ODAD3: variants seen among roughly 807,000 people sequenced by gnomAD.
ODAD3 encodes outer dynein arm docking complex subunit 3, also known as outer dynein arm-docking complex subunit 3.
In ODAD3, 57 loss-of-function variants were observed where a neutral mutation model predicts 70.9. The observed-to-expected ratio is 0.80, with a 90% CI of 0.65 to 1.00. The LOEUF is 1.00. Ranked by LOEUF, ODAD3 falls within the 50% of genes least tolerant of loss-of-function variation. The probability of loss-of-function intolerance (pLI) is 0.00; values close to 1 mark genes in which losing one functional copy is unlikely to be tolerated. For missense variants in ODAD3, 797 were observed against 763.9 expected, an observed-to-expected ratio of 1.04 and a Z score of -0.51; for synonymous variants, 327 against 315.9, an observed-to-expected ratio of 1.04 and a Z score of -0.37.
chr19:11,425,650 CGT>C lies in ODAD3; in HGVS notation c.963+492_963+493del, dbSNP rs1491369933. Among the ~76,000 whole-genome samples the C allele has an allele frequency of 2.3e-4, 29 of 123,600 alleles. 1 individual carries two copies. The highest frequency in any genetic ancestry group is 2.3e-4 in the South Asian group (1 of 4,372). The allele number at this position is 123,600 out of a possible 152,430, so 81.1% of individuals were successfully genotyped here. ...GCATATATGTATATATATGTATATA[CGT>C]ATATATATATATATATATGCAAAAA... On this transcript the variant is annotated intron_variant, in intron 7 of 12. Coordinates refer to ENST00000356392, the MANE Select transcript of ODAD3 (RefSeq NM_145045.5).
At position 11,421,172 on chromosome 19, in the gene ODAD3, G is replaced by A. The variant is rs771187279; in HGVS notation, c.1631C>T (p.Thr544Ile). ...SLEGRLPEYN[T>I]RIALPLATSK... ...AGTGGCAAGGGGCAGGGCGATGCGG[G>A]TGTTGTATTCGGGCAGCCTTCCCTC... Residue 544 changes from threonine to isoleucine, a missense_variant, in exon 12 of 13, where the codon ACC (threonine) becomes ATC (isoleucine). By Grantham distance (89) the Thr-to-Ile change is moderately conservative. Coordinates refer to ENST00000356392, the MANE Select transcript of ODAD3 (RefSeq NM_145045.5). 10 of 1,613,604 alleles carry A rather than the reference G, an allele frequency of 6.2e-6. No homozygotes were observed. Among genetic ancestry groups the A allele is most frequent in the East Asian group, 2.2e-5 (1 of 44,874 alleles).
Position 11,425,601 on chromosome 19 carries a change from ATGTGTG to A in ODAD3, c.963+537_963+542del, listed in dbSNP as rs1223624982. Among the ~76,000 whole-genome samples the A allele has an allele frequency of 9.1e-5, 12 of 131,872 alleles. 1 individual carries two copies. The highest frequency in any genetic ancestry group is 4.2e-4 in the African/African-American group (11 of 26,212). The allele number at this position is 131,872 out of a possible 152,430, so 86.5% of individuals were successfully genotyped here. Reference sequence around the variant, plus strand: ...TATATATGTATGTATATGTGTATATATGTGTGTGTATATATGCATATATGCATATAT... The same window carrying A: ...TATATATGTATGTATATGTGTATATATGTATATATGCATATATGCATATAT... On this transcript the variant is annotated intron_variant, in intron 7 of 12. Coordinates refer to ENST00000356392, the MANE Select transcript of ODAD3 (RefSeq NM_145045.5).
chr19:11,434,718 G>GATT, intron 1 of ODAD3, 55 bp downstream of exon 1: 1 of 1,546,648 alleles, frequency 6.5e-7, no homozygotes, highest in South Asian at 1.2e-5. Context: ...ACACCATGAA[G>GATT]ATTGGATGGG....
intron 3 of ODAD3, among the ~76,000 whole-genome samples, chr19:11,427,663 G>A (rs1166458783): frequency 1.3e-5 from 2 of 151,780 alleles, no homozygotes; most frequent in African/African-American, 4.8e-5. Flanking sequence ...TGTATTTTGG[G>A]TAGAGACAGG....
chr19:11,428,774 C>T (rs1294204287), intron 3 of ODAD3, among the ~76,000 whole-genome samples: 1 of 150,888 alleles, frequency 6.6e-6, no homozygotes, highest in Non-Finnish European at 1.5e-5. Flanking sequence ...GTCTCAAACT[C>T]TTGGGCTCAA....
intron 7 of ODAD3, among the ~76,000 whole-genome samples, chr19:11,425,387 A>G (rs916278014): frequency 5.1e-5 from 7 of 135,974 alleles, no homozygotes; most frequent in Non-Finnish European, 6.1e-5. Flanking sequence ...GTGTGTATGT[A>G]CATATGTGTA....
intron 1 of ODAD3, 35 bp from the exon 2 acceptor site, chr19:11,431,055 A>C (rs1041541976): frequency 2.5e-6 from 4 of 1,613,324 alleles, no homozygotes; most frequent in Admixed American, 1.7e-5. Flanking sequence ...ACACACAGTT[A>C]CTGGGTGGGT....
chr19:11,427,971 G>C (rs1371861177), intron 3 of ODAD3, among the ~76,000 whole-genome samples: 1 of 151,750 alleles, frequency 6.6e-6, no homozygotes, highest in Non-Finnish European at 1.5e-5. Context: ...ATGGTGGCAG[G>C]CGCCTGTAGT....
chr19:11,425,325 G>GTACATATGTGTATATA (rs1969305545), intron 7 of ODAD3, among the ~76,000 whole-genome samples: 11 of 131,468 alleles, frequency 8.4e-5, no homozygotes, highest in Non-Finnish European at 3.1e-5. Flanking sequence ...ATGTGTATAT[G>GTACATATGTGTATATA]TACATATGTG....
In ODAD3 at chr19:11,425,277, G is replaced by A. The variant is rs1305860713; in HGVS notation, c.963+867C>T. 3.0e-5 allele frequency among the ~76,000 whole-genome samples: 4 copies of A among 135,526 alleles called. 1 individual carries two copies. Among genetic ancestry groups the A allele is most frequent in the African/African-American group, 9.3e-5 (3 of 32,350 alleles). 88.9% of individuals were successfully genotyped at this position (135,526 alleles called of 152,430 possible). A position where few individuals can be genotyped will look rare whatever the true frequency, so the allele number is the denominator to read the frequency against. Reference sequence around the variant, plus strand: ...TATATGTACATATGTGTATATGTGTGTATATGTACATATGTGTATATATGT... The same window carrying A: ...TATATGTACATATGTGTATATGTGTATATATGTACATATGTGTATATATGT... On this transcript the variant is annotated intron_variant, in intron 7 of 12. Coordinates refer to ENST00000356392, the MANE Select transcript of ODAD3 (RefSeq NM_145045.5).
rs564889258 is a variant in ODAD3 at position 11,431,158 on chromosome 19, C to T, written c.245-138G>A. 4 of 1,133,374 alleles carry T rather than the reference C, an allele frequency of 3.5e-6. No homozygotes were observed. The East Asian group carries it at 9.7e-5, about 28-fold the overall frequency. 70.2% of individuals were successfully genotyped at this position (1,133,374 alleles called of 1,614,324 possible). ...TGGAGTTTCACTCTTGTTGCCCAGGCTGCAGTGCAATGGTGCAATCTCGGC... is the reference window on the plus strand; with the variant it reads ...TGGAGTTTCACTCTTGTTGCCCAGGTTGCAGTGCAATGGTGCAATCTCGGC... On this transcript the variant is annotated intron_variant, in intron 1 of 12. Coordinates refer to ENST00000356392, the MANE Select transcript of ODAD3 (RefSeq NM_145045.5).
At chr19:11,424,563 ATGT>A (rs1969224080) in intron 7 of ODAD3, among the ~76,000 whole-genome samples, 1 of 131,142 alleles carries the variant, frequency 7.6e-6, no homozygotes, top group African/African-American at 3.0e-5. Flanking sequence ...ATGTGTATAT[ATGT>A]ATATATGTGT....
chr19:11,428,219 A>T (rs932242106), intron 3 of ODAD3, among the ~76,000 whole-genome samples: 11 of 151,680 alleles, frequency 7.3e-5, no homozygotes, highest in African/African-American at 2.7e-4. Flanking sequence ...TACAGGCAAG[A>T]GCCACTGCAC....
chr19:11,426,424 C>T lies in ODAD3; in HGVS notation c.840+22G>A, dbSNP rs1389157512. On this transcript the variant is annotated intron_variant, in intron 6 of 12. Coordinates refer to ENST00000356392, the MANE Select transcript of ODAD3 (RefSeq NM_145045.5). ...AGACCGCGGCAGCTGGGCAGGATGG[C>T]CGAGGGCAAGAGGGGTGGCACCTTG... is the stretch of plus-strand genomic sequence containing the variant. 3 of 1,613,638 alleles carry T rather than the reference C, an allele frequency of 1.9e-6. No individual in the cohort carries two copies. The African/African-American group carries it at 4.0e-5, about 22-fold the overall frequency.
At chr19:11,431,677 A>G (rs1245926459) in intron 1 of ODAD3, among the ~76,000 whole-genome samples, 1 of 151,544 alleles carries the variant, frequency 6.6e-6, no homozygotes, top group Non-Finnish European at 1.5e-5. Context: ...GCTCACGTCC[A>G]TAATCCCAGC....
At chr19:11,428,131 T>C (rs1338426446) in intron 3 of ODAD3, among the ~76,000 whole-genome samples, 1 of 151,550 alleles carries the variant, frequency 6.6e-6, no homozygotes, top group Non-Finnish European at 1.5e-5. Flanking sequence ...AGGCAGGGTC[T>C]CGCTATGTGG....
rs1399814379 is a variant in ODAD3, at chr19:11,435,036, GC to G, written c.-21del. 5.6e-6 allele frequency: 9 copies of G among 1,596,678 alleles called. No individual in the cohort carries two copies. The highest frequency in any genetic ancestry group is 1.3e-5 in the African/African-American group (1 of 74,590). ...TGTCATGATGGGGTTGGGGCTGAAG[GC>G]CCCTAGGGGTTAGGGGGATAACTAG... On this transcript the variant is annotated 5_prime_UTR_variant, in exon 1 of 13. Transcript: ENST00000356392.
chr19:11,423,456 A>G (rs1969189338), intron 8 of ODAD3, among the ~76,000 whole-genome samples: 1 of 152,152 alleles, frequency 6.6e-6, no homozygotes, highest in Admixed American at 6.5e-5. Context: ...AAGACTTTAC[A>G]GTGAGGGACC....
chr19:11,425,075 A>ATG (rs1218276965), intron 7 of ODAD3, among the ~76,000 whole-genome samples: 5 of 135,216 alleles, frequency 3.7e-5, no homozygotes, highest in East Asian at 2.4e-4. Flanking sequence ...ATATATGTAT[A>ATG]TGTGTATATG....
Sources: gnomAD v4.1 joint callset for allele counts (sites outside exome capture counted in the v4.1 genomes callset) on GRCh38, gnomAD v4.1.1 for gene constraint, MANE v1.5 for transcripts, NCBI Gene and HGNC (gene_info 2026-07-23, HGNC 2026-07-21) for gene names.